The following RAPGEF1 variants were observed in gnomAD, a reference collection of about 807,000 sequenced individuals.
The protein encoded by RAPGEF1 is Rap guanine nucleotide exchange factor 1, also known as CRK SH3-binding GNRP.
A neutral mutation model predicts 143.3 loss-of-function variants in RAPGEF1; 33 were observed. The ratio of observed to expected loss-of-function variants is 0.23; its 90% confidence interval spans 0.17 to 0.31. The LOEUF (loss-of-function observed/expected upper bound fraction) is 0.31, where lower values mean the gene tolerates loss of function less well. Ranked by LOEUF, RAPGEF1 falls within the 10% of genes least tolerant of loss-of-function variation. RAPGEF1 has a pLI of 1.00. For missense variants in RAPGEF1, 1,199 were observed against 1,645.4 expected, an observed-to-expected ratio of 0.73 and a Z score of 4.69; for synonymous variants, 629 against 676.5, an observed-to-expected ratio of 0.93 and a Z score of 1.09.
At position 131,720,661 on chromosome 9, in the gene RAPGEF1, A is replaced by G. The variant is rs927408462; in HGVS notation, c.61+19109T>C. Reference sequence around the variant, plus strand: ...CAACATCACAGGCTGCAAGTTATCAATTTGTCACAAACATCAAGCTTCTTA... The same window carrying G: ...CAACATCACAGGCTGCAAGTTATCAGTTTGTCACAAACATCAAGCTTCTTA... On this transcript the variant is annotated intron_variant, in intron 1 of 26. Coordinates refer to ENST00000683357, the MANE Select transcript of RAPGEF1 (RefSeq NM_001377935.1). Among the ~76,000 whole-genome samples the G allele has an allele frequency of 5.9e-5, 9 of 152,286 alleles. No individual in the cohort carries two copies. In the South Asian group the frequency reaches 1.9e-3, roughly 32 times the overall value.
At chr9:131,610,909 G>T (rs1267869947) in intron 12 of RAPGEF1, among the ~76,000 whole-genome samples, 1 of 152,180 alleles carries the variant, frequency 6.6e-6, no homozygotes, top group African/African-American at 2.4e-5. Flanking sequence ...CCCCAGGAAA[G>T]GTGCTTGGTA....
At chr9:131,634,245 A>G (rs1965718009) in intron 5 of RAPGEF1, among the ~76,000 whole-genome samples, 1 of 151,778 alleles carries the variant, frequency 6.6e-6, no homozygotes, top group Non-Finnish European at 1.5e-5. Flanking sequence ...ATAGAGTGAG[A>G]CTGTCTCAGA....
At chr9:131,593,305 CCTT>C in intron 17 of RAPGEF1, among the ~76,000 whole-genome samples, 1 of 152,320 alleles carries the variant, frequency 6.6e-6, no homozygotes, top group Non-Finnish European at 1.5e-5. Context: ...TGTGGTGACA[CCTT>C]CTCAACTGTG....
chr9:131,737,242 TC>T (rs1168699668), intron 1 of RAPGEF1, among the ~76,000 whole-genome samples: 4 of 152,076 alleles, frequency 2.6e-5, no homozygotes, highest in Non-Finnish European at 5.9e-5. Flanking sequence ...AAATGCATCT[TC>T]CTCCCACACT....
chr9:131,584,471 A>G lies in RAPGEF1; in HGVS notation c.3312+47T>C, dbSNP rs1196544645. On this transcript the variant is annotated intron_variant, in intron 23 of 26. Coordinates refer to ENST00000683357, the MANE Select transcript of RAPGEF1 (RefSeq NM_001377935.1). This position sits in a 1 kb window ranked among gnomAD's most constrained non-coding sequence, Gnocchi z 6.8. The stretch of plus-strand genomic sequence containing the variant: ...GGGCAGGCGGGTCCCGGGCTCCCAG[A>G]GCAGGGACTGATGATGGGGGCCTGG... The G allele has an allele frequency of 1.2e-6, 2 of 1,612,178 alleles. No homozygotes were observed. The highest frequency in any genetic ancestry group is 4.5e-5 in the East Asian group (2 of 44,864).
Position 131,604,084 on chromosome 9 carries a change from A to G in RAPGEF1, c.2320-31T>C, listed in dbSNP as rs1390427964. The G allele has an allele frequency of 2.4e-6, 3 of 1,271,028 alleles. No individual in the cohort carries two copies. In the Admixed American group the frequency reaches 6.8e-5, roughly 29 times the overall value. The allele number at this position is 1,271,028 out of a possible 1,614,324, so 78.7% of individuals were successfully genotyped here. A position where few individuals can be genotyped will look rare whatever the true frequency, so the allele number is the denominator to read the frequency against. On this transcript the variant is annotated intron_variant, in intron 13 of 26. Transcript: ENST00000683357. Reference sequence around the variant, plus strand: ...GGAGACAGGACGAGAGGAAAGACACATGGGCCAGGCCCTCCAGCCGGCCCT... The same window carrying G: ...GGAGACAGGACGAGAGGAAAGACACGTGGGCCAGGCCCTCCAGCCGGCCCT...
chr9:131,635,802 G>A (rs1474543605), intron 5 of RAPGEF1, among the ~76,000 whole-genome samples: 2 of 152,186 alleles, frequency 1.3e-5, no homozygotes, highest in African/African-American at 4.8e-5. Flanking sequence ...CTCCACCTGA[G>A]CCTGAGTCTC....
rs542266727 is a variant in RAPGEF1, at chr9:131,580,805, C to T, written c.3513-414G>A. 1.9e-3 allele frequency among the ~76,000 whole-genome samples: 295 copies of T among 152,218 alleles called. 2 individuals carry two copies. Among genetic ancestry groups the T allele is most frequent in the Admixed American group, 3.3e-3 (51 of 15,306 alleles). On this transcript the variant is annotated intron_variant, in intron 25 of 26. Transcript: ENST00000683357. ...GGGTGCAATGGCTCACACCTGTAAT[C>T]CCAGTACTATAGGAGGCTAAGGCAG... is the stretch of plus-strand genomic sequence containing the variant.
Position 131,662,551 on chromosome 9 carries a change from GT to G in RAPGEF1, c.62-11603del, listed in dbSNP as rs112255424. On this transcript the variant is annotated intron_variant, in intron 1 of 26. Coordinates refer to ENST00000683357, the MANE Select transcript of RAPGEF1 (RefSeq NM_001377935.1). ...CCTGGCTAATTTTTTGTTTTATTTT[GT>G]TTTTTTTTTTTTTGAGATGGAGTCT... 4.0e-3 allele frequency among the ~76,000 whole-genome samples: 524 copies of G among 129,898 alleles called. 3 individuals are homozygous for G. The highest frequency in any genetic ancestry group is 0.013 in the African/African-American group (411 of 32,812). 85.2% of individuals were successfully genotyped at this position (129,898 alleles called of 152,430 possible).
In RAPGEF1 at chr9:131,604,069, C is replaced by T. The variant is rs765401687; in HGVS notation, c.2320-16G>A. The stretch of plus-strand genomic sequence containing the variant: ...CGTTTTCACTCTGGGGGAGACAGGA[C>T]GAGAGGAAAGACACATGGGCCAGGC... On this transcript the variant is annotated splice_polypyrimidine_tract_variant and intron_variant, in intron 13 of 26. Transcript: ENST00000683357. 33 of 1,308,514 alleles carry T rather than the reference C, an allele frequency of 2.5e-5. No individual in the cohort carries two copies. Among genetic ancestry groups the T allele is most frequent in the African/African-American group, 1.2e-4 (8 of 66,336 alleles). 81.1% of individuals were successfully genotyped at this position (1,308,514 alleles called of 1,614,324 possible).
At chr9:131,705,618 G>T (rs983104499) in intron 1 of RAPGEF1, among the ~76,000 whole-genome samples, 8 of 152,220 alleles carry the variant, frequency 5.3e-5, no homozygotes, top group East Asian at 1.9e-4. Flanking sequence ...ATACAAATGA[G>T]TCAGATTTCT....
At chr9:131,625,313 C>A (rs559830718) in intron 10 of RAPGEF1, among the ~76,000 whole-genome samples, 3 of 152,268 alleles carry the variant, frequency 2.0e-5, no homozygotes, top group African/African-American at 7.2e-5. Context: ...GAGAACTCTC[C>A]TTATTACTTT....
In RAPGEF1 at chr9:131,650,015, A is replaced by T; in HGVS notation, c.315+114T>A. 1.2e-6 allele frequency: 1 copy of T among 811,056 alleles called. No individual in the cohort carries two copies. The highest frequency in any genetic ancestry group is 1.9e-6 in the Non-Finnish European group (1 of 517,616). 50.2% of individuals were successfully genotyped at this position (811,056 alleles called of 1,614,324 possible). On this transcript the variant is annotated intron_variant, in intron 3 of 26. Coordinates refer to ENST00000683357, the MANE Select transcript of RAPGEF1 (RefSeq NM_001377935.1). This position sits in a 1 kb window ranked among gnomAD's most constrained non-coding sequence, Gnocchi z 4.7. ...CTGAACAATTCAGCCCACGGTCACC[A>T]CCCAGTTGAACATAATAATAGTGCA...
intron 16 of RAPGEF1, among the ~76,000 whole-genome samples, chr9:131,597,903 A>G (rs1187721528): frequency 1.3e-5 from 2 of 152,114 alleles, no homozygotes; most frequent in East Asian, 3.8e-4. Context: ...TCTGCAGAGC[A>G]TTTACAGGGG....
chr9:131,629,329 GA>G (rs1231769741), intron 6 of RAPGEF1, 75 bp from the exon 7 acceptor site: 1 of 1,442,152 alleles, frequency 6.9e-7, no homozygotes, highest in African/African-American at 1.4e-5. Flanking sequence ...CTGAGAGGGT[GA>G]GGACGTGACC....
At chr9:131,663,305 C>T (rs1021781625) in intron 1 of RAPGEF1, among the ~76,000 whole-genome samples, 1 of 152,198 alleles carries the variant, frequency 6.6e-6, no homozygotes, top group East Asian at 1.9e-4. Context: ...CGTTATAACA[C>T]ATCTCTAAAT....
intron 1 of RAPGEF1, among the ~76,000 whole-genome samples, chr9:131,698,359 A>G (rs2131087287): frequency 6.6e-6 from 1 of 152,344 alleles, no homozygotes; most frequent in South Asian, 2.1e-4. Context: ...CAATTCTGCC[A>G]CTTACTAGCT....
At chr9:131,612,234 T>C (rs1169701849) in intron 12 of RAPGEF1, among the ~76,000 whole-genome samples, 3 of 152,120 alleles carry the variant, frequency 2.0e-5, no homozygotes, top group South Asian at 2.1e-4. Flanking sequence ...CCTCTGTAAT[T>C]TTCCCCACCA....
rs189815107 is a variant in RAPGEF1 at position 131,667,582 on chromosome 9, C to A, written c.62-16633G>T. Among the ~76,000 whole-genome samples, 52 of 152,352 alleles carry A rather than the reference C, an allele frequency of 3.4e-4. No individual in the cohort carries two copies. Among genetic ancestry groups the A allele is most frequent in the Non-Finnish European group, 6.9e-4 (47 of 68,026 alleles). On this transcript the variant is annotated intron_variant, in intron 1 of 26. Coordinates refer to ENST00000683357, the MANE Select transcript of RAPGEF1 (RefSeq NM_001377935.1). The surrounding 1 kb of genome is among the most constrained non-coding windows in gnomAD (Gnocchi z 4.6). ...AGAGAAGAAATCTCTACCATCACAGCTTCCCAACATTCCAGACTGATTTTC... is the reference window on the plus strand; with the variant it reads ...AGAGAAGAAATCTCTACCATCACAGATTCCCAACATTCCAGACTGATTTTC...
Sources: gnomAD v4.1 joint callset for allele counts (sites outside exome capture counted in the v4.1 genomes callset) on GRCh38, gnomAD v4.1.1 for gene constraint, Gnocchi (gnomAD v3.1) non-coding constraint, MANE v1.5 for transcripts, NCBI Gene and HGNC (gene_info 2026-07-23, HGNC 2026-07-21) for gene names.